Variants in AP3B1 observed in about 807,000 individuals in gnomAD.
AP3B1 encodes the protein adaptor related protein complex 3 subunit beta 1.
In AP3B1, 61 loss-of-function variants were observed where a neutral mutation model predicts 132.5. That is an observed-to-expected ratio of 0.46 (90% CI 0.37 to 0.57). The LOEUF (loss-of-function observed/expected upper bound fraction) is 0.57. Among genes scored for constraint, AP3B1 ranks in the 20% least tolerant of loss-of-function variants. The pLI, the probability that AP3B1 is intolerant of heterozygous loss-of-function variation, is 0.00. For missense variants in AP3B1, 1,120 were observed against 1,289.4 expected (o/e 0.87, Z 2.01); for synonymous variants, 388 against 438.3 (o/e 0.89, Z 1.43).
At chr5:78,048,062 T>A (rs1748416844) in intron 22 of AP3B1, among the ~76,000 whole-genome samples, 1 of 152,254 alleles carries the variant, frequency 6.6e-6, no homozygotes, top group Non-Finnish European at 1.5e-5. Context: ...CTTTTTGGAA[T>A]CTGCGCAATG....
intron 7 of AP3B1, among the ~76,000 whole-genome samples, chr5:78,201,648 T>C (rs1745293493): frequency 6.6e-6 from 1 of 152,224 alleles, no homozygotes; most frequent in South Asian, 2.1e-4. Flanking sequence ...GTTCCATGAT[T>C]ATATTCATGT....
intron 7 of AP3B1, among the ~76,000 whole-genome samples, chr5:78,210,364 T>C (rs1174671175): frequency 6.6e-6 from 1 of 152,190 alleles, no homozygotes; most frequent in Admixed American, 6.5e-5. Context: ...AAACTACATT[T>C]ATAAATTTTG....
chr5:78,121,317 A>G (rs1348171336), intron 17 of AP3B1, among the ~76,000 whole-genome samples: 2 of 152,182 alleles, frequency 1.3e-5, no homozygotes, highest in Non-Finnish European at 1.5e-5. Flanking sequence ...TTCAAAAGCT[A>G]GCAGAAGGCA....
intron 26 of AP3B1, among the ~76,000 whole-genome samples, chr5:78,013,071 T>C (rs766261583): frequency 3.7e-4 from 57 of 152,126 alleles, no homozygotes; most frequent in Admixed American, 8.5e-4. Context: ...TGAGACAGGG[T>C]CTCACTCTGT....
chr5:78,171,728 A>G (rs1264628740), intron 11 of AP3B1, among the ~76,000 whole-genome samples: 1 of 152,092 alleles, frequency 6.6e-6, no homozygotes, highest in Non-Finnish European at 1.5e-5. Flanking sequence ...AATACCCGTT[A>G]TTTCTTTCTC....
intron 15 of AP3B1, among the ~76,000 whole-genome samples, chr5:78,135,580 A>C (rs1219377084): frequency 6.6e-6 from 1 of 152,142 alleles, no homozygotes; most frequent in African/African-American, 2.4e-5. Context: ...GCAAATGTGA[A>C]TATCAACTTA....
At chr5:78,212,736 A>T (rs993324315) in intron 7 of AP3B1, among the ~76,000 whole-genome samples, 31 of 152,140 alleles carry the variant, frequency 2.0e-4, no homozygotes, top group Non-Finnish European at 2.9e-5. Context: ...TTTATTCTAT[A>T]ATCATCTTAA....
At chr5:78,225,395 T>C (rs1394892348) in intron 6 of AP3B1, 147 bp downstream of exon 6, 2 of 450,350 alleles carry the variant, frequency 4.4e-6, no homozygotes, top group African/African-American at 2.0e-5. Context: ...ATGAAAATTT[T>C]TGTTCTTTAA....
intron 22 of AP3B1, among the ~76,000 whole-genome samples, chr5:78,062,934 C>A (rs892416882): frequency 6.6e-6 from 1 of 152,104 alleles, no homozygotes; most frequent in African/African-American, 2.4e-5. Flanking sequence ...GTGATGAGGT[C>A]AAATGCTTGT....
chr5:78,075,600 A>T (rs1749736272), intron 22 of AP3B1, among the ~76,000 whole-genome samples: 1 of 152,204 alleles, frequency 6.6e-6, no homozygotes, highest in Non-Finnish European at 1.5e-5. Flanking sequence ...TTCCTTTGAT[A>T]AGGAACCTGA....
chr5:78,263,504 T>C (rs1303955598), intron 2 of AP3B1, among the ~76,000 whole-genome samples: 3 of 152,236 alleles, frequency 2.0e-5, no homozygotes, highest in African/African-American at 4.8e-5. Flanking sequence ...TCTTGCATGA[T>C]TGTTCTGGCT....
intron 15 of AP3B1, among the ~76,000 whole-genome samples, chr5:78,134,620 A>C (rs1456320136): frequency 6.6e-6 from 1 of 152,136 alleles, no homozygotes; most frequent in Non-Finnish European, 1.5e-5. Context: ...AGCTCACTGC[A>C]ACCTCTGCCA....
At chr5:78,113,674 G>C in intron 19 of AP3B1, 78 bp downstream of exon 19, 3 of 1,510,304 alleles carry the variant, frequency 2.0e-6, no homozygotes, top group Non-Finnish European at 2.7e-6. Flanking sequence ...ACCATTTTTT[G>C]ATTAATAAGA....
intron 21 of AP3B1, among the ~76,000 whole-genome samples, chr5:78,090,870 G>T (rs547526862): frequency 6.7e-6 from 1 of 148,938 alleles, no homozygotes; most frequent in Non-Finnish European, 1.5e-5. Flanking sequence ...GGAGTAAAGC[G>T]GTGCAATCCC....
intron 17 of AP3B1, among the ~76,000 whole-genome samples, chr5:78,120,036 C>A (rs1471582496): frequency 6.6e-6 from 1 of 152,124 alleles, no homozygotes; most frequent in Non-Finnish European, 1.5e-5. Context: ...GGCCAATATT[C>A]CACATGCTTA....
intron 14 of AP3B1, among the ~76,000 whole-genome samples, chr5:78,141,784 A>G (rs1753157610): frequency 1.3e-5 from 2 of 152,142 alleles, no homozygotes; most frequent in African/African-American, 4.8e-5. Context: ...CCAAACCTCA[A>G]TGCCCACAAA....
chr5:78,238,096 T>C (rs1177170649), intron 3 of AP3B1, among the ~76,000 whole-genome samples: 1 of 152,218 alleles, frequency 6.6e-6, no homozygotes, highest in Non-Finnish European at 1.5e-5. Flanking sequence ...GCTTCATCTG[T>C]ATTTACAGCT....
At chr5:78,232,729 CAG>C (rs927565659) in intron 3 of AP3B1, among the ~76,000 whole-genome samples, 40 of 151,726 alleles carry the variant, frequency 2.6e-4, no homozygotes, top group African/African-American at 9.4e-4. Context: ...TTTTTTTAGA[CAG>C]AGTCTTGTTC....
chr5:78,043,779 G>T, intron 22 of AP3B1: 1 of 372,210 alleles, frequency 2.7e-6, no homozygotes, highest in South Asian at 2.5e-5. Flanking sequence ...GCCCAATCAT[G>T]GAGATATCTA....
Sources: allele counts gnomAD v4.1 joint callset (sites outside exome capture counted in the v4.1 genomes callset), GRCh38; gene constraint gnomAD v4.1.1; transcripts MANE v1.5; gene names NCBI Gene and HGNC (gene_info 2026-07-23, HGNC 2026-07-21).